Variants in KCNIP4 observed in about 807,000 individuals in gnomAD.
The protein encoded by KCNIP4 is potassium voltage-gated channel interacting protein 4, also known as Kv channel-interacting protein 4.
A neutral mutation model predicts 34.0 loss-of-function variants in KCNIP4; 12 were observed. That is an observed-to-expected ratio of 0.35 (90% CI 0.23 to 0.57). KCNIP4 has a LOEUF of 0.57. Ranked by LOEUF, KCNIP4 falls within the 20% of genes least tolerant of loss-of-function variation. The pLI is 0.83. For missense variants in KCNIP4, 238 were observed against 311.7 expected (o/e 0.76, Z 1.78); for synonymous variants, 124 against 102.2 (o/e 1.21, Z -1.29).
chr4:21,556,347 C>T (rs1322958380), intron 1 of KCNIP4, among the ~76,000 whole-genome samples: 1 of 152,024 alleles, frequency 6.6e-6, no homozygotes, highest in Non-Finnish European at 1.5e-5. Context: ...GAGGACAATC[C>T]ATTCTAGAGG....
At chr4:21,203,547 G>A (rs1254879106) in intron 1 of KCNIP4, among the ~76,000 whole-genome samples, 1 of 152,164 alleles carries the variant, frequency 6.6e-6, no homozygotes, top group African/African-American at 2.4e-5. Context: ...TGACTGGGTA[G>A]ACACACATCT....
chr4:21,170,987 C>A (rs1002425013), intron 1 of KCNIP4, among the ~76,000 whole-genome samples: 1 of 152,070 alleles, frequency 6.6e-6, no homozygotes, highest in African/African-American at 2.4e-5. Flanking sequence ...CCTTAATATG[C>A]CAATTATACA....
Position 21,519,418 on chromosome 4 carries a change from A to ATATACACATATGTGTGTATATGTATGTG in KCNIP4, c.61+429152_61+429153insCACATACATATACACACATATGTGTATA, listed in dbSNP as rs1735103251. Among the ~76,000 whole-genome samples, 2 of 103,142 alleles carry ATATACACATATGTGTGTATATGTATGTG rather than the reference A, an allele frequency of 1.9e-5. 1 individual carries two copies. 67.7% of individuals were successfully genotyped at this position (103,142 alleles called of 152,430 possible). On this transcript the variant is annotated intron_variant, in intron 1 of 8. Transcript: ENST00000382152. ...TACATATGTGTGTATATGTATGTGT[A>ATATACACATATGTGTGTATATGTATGTG]TATATACACATATGTGTGTATATGT...
intron 1 of KCNIP4, among the ~76,000 whole-genome samples, chr4:21,297,474 C>T (rs1198492725): frequency 6.6e-6 from 1 of 152,102 alleles, no homozygotes; most frequent in Non-Finnish European, 1.5e-5. Context: ...AACAAGAGAG[C>T]TACAATTTGA....
At chr4:21,410,411 G>A (rs1724393709) in intron 1 of KCNIP4, among the ~76,000 whole-genome samples, 3 of 152,088 alleles carry the variant, frequency 2.0e-5, no homozygotes, top group Admixed American at 1.3e-4. Context: ...GGTTATCAAC[G>A]GGATGTAGCT....
At chr4:21,569,616 AT>A (rs1251045952) in intron 1 of KCNIP4, among the ~76,000 whole-genome samples, 1 of 152,134 alleles carries the variant, frequency 6.6e-6, no homozygotes, top group Non-Finnish European at 1.5e-5. Context: ...AGGAGGTGGC[AT>A]TTGAGAAGAA....
At chr4:20,730,214 C>CCAT in intron 8 of KCNIP4, 85 bp from the exon 9 acceptor site, 3 of 1,452,678 alleles carry the variant, frequency 2.1e-6, no homozygotes, top group Non-Finnish European at 2.8e-6. Context: ...TTGCCTCCTC[C>CCAT]CATCAACCAC....
intron 1 of KCNIP4, among the ~76,000 whole-genome samples, chr4:21,488,976 T>C (rs1481690801): frequency 6.6e-6 from 1 of 152,106 alleles, no homozygotes; most frequent in Non-Finnish European, 1.5e-5. Flanking sequence ...TTAAGGCTTA[T>C]AAGAAAATAA....
At chr4:21,356,366 G>A (rs1043141516) in intron 1 of KCNIP4, among the ~76,000 whole-genome samples, 4 of 152,112 alleles carry the variant, frequency 2.6e-5, no homozygotes, top group African/African-American at 9.7e-5. Context: ...AGGAAAAGAG[G>A]AAGTCAAATT....
chr4:21,581,111 G>A lies in KCNIP4; in HGVS notation c.61+367460C>T, dbSNP rs192283657. On this transcript the variant is annotated intron_variant, in intron 1 of 8. Coordinates refer to ENST00000382152, the MANE Select transcript of KCNIP4 (RefSeq NM_025221.6). ...AGGAAATAGTATCTATTTCTGAAAGGTTTAGGTGAAACATCATTATATTTC... is the reference window on the plus strand; with the variant it reads ...AGGAAATAGTATCTATTTCTGAAAGATTTAGGTGAAACATCATTATATTTC... Among the ~76,000 whole-genome samples the A allele has an allele frequency of 3.1e-3, 474 of 152,104 alleles. 5 individuals carry two copies. The highest frequency in any genetic ancestry group is 6.9e-3 in the Admixed American group (106 of 15,282).
At position 20,869,544 on chromosome 4, in the gene KCNIP4, G is replaced by A. The variant is rs1344713083; in HGVS notation, c.163+13064C>T. On this transcript the variant is annotated intron_variant, in intron 2 of 8. Coordinates refer to ENST00000382152, the MANE Select transcript of KCNIP4 (RefSeq NM_025221.6). ...TAGGAGCAGAACAGTGCCTGGGAGTGCTAATTCTGACAAATTATTCAGTTC... is the reference window on the plus strand; with the variant it reads ...TAGGAGCAGAACAGTGCCTGGGAGTACTAATTCTGACAAATTATTCAGTTC... Among the ~76,000 whole-genome samples, 4 of 151,988 alleles carry A rather than the reference G, an allele frequency of 2.6e-5. No homozygotes were observed. The South Asian group carries it at 6.2e-4, about 24-fold the overall frequency.
At chr4:20,818,526 G>A (rs780420074) in intron 3 of KCNIP4, among the ~76,000 whole-genome samples, 2 of 152,158 alleles carry the variant, frequency 1.3e-5, no homozygotes, top group Non-Finnish European at 2.9e-5. Context: ...GGACTTTTTG[G>A]AAGCTGCAAA....
intron 1 of KCNIP4, among the ~76,000 whole-genome samples, chr4:21,387,818 T>C (rs1353648470): frequency 1.3e-5 from 2 of 152,172 alleles, no homozygotes; most frequent in Non-Finnish European, 2.9e-5. Flanking sequence ...TATCATAAAA[T>C]ACTTTGTACT....
At chr4:20,769,521 A>G (rs1458785668) in intron 3 of KCNIP4, among the ~76,000 whole-genome samples, 1 of 152,096 alleles carries the variant, frequency 6.6e-6, no homozygotes, top group East Asian at 1.9e-4. Flanking sequence ...CATTTAGTGG[A>G]AAAAAAAGAC....
Position 21,663,171 on chromosome 4 carries a change from T to C in KCNIP4, c.61+285400A>G, listed in dbSNP as rs574789327. Among the ~76,000 whole-genome samples the C allele has an allele frequency of 9.5e-4, 145 of 152,338 alleles. 4 individuals are homozygous for C. The South Asian group carries it at 0.024, about 25-fold the overall frequency. On this transcript the variant is annotated intron_variant, in intron 1 of 8. Transcript: ENST00000382152. ...CCCTTATCGATAATGGTTTCTAACT[T>C]ACTAATATTCTTGATTCTTTTGAGA...
At chr4:20,786,685 G>T (rs1712042636) in intron 3 of KCNIP4, among the ~76,000 whole-genome samples, 1 of 152,076 alleles carries the variant, frequency 6.6e-6, no homozygotes, top group Non-Finnish European at 1.5e-5. Context: ...TGCTCATTTA[G>T]AATGTACACT....
intron 1 of KCNIP4, among the ~76,000 whole-genome samples, chr4:21,641,537 G>C (rs1370206620): frequency 6.6e-6 from 1 of 152,184 alleles, no homozygotes; most frequent in East Asian, 1.9e-4. Flanking sequence ...GGACTTGGAA[G>C]AAATCTGATT....
intron 1 of KCNIP4, among the ~76,000 whole-genome samples, chr4:21,019,013 G>T (rs1739805139): frequency 6.6e-6 from 1 of 152,150 alleles, no homozygotes; most frequent in African/African-American, 2.4e-5. Flanking sequence ...TCTTCTAGCA[G>T]CTAAAAATCT....
Position 21,758,289 on chromosome 4 carries a change from A to G in KCNIP4, c.61+190282T>C, listed in dbSNP as rs74951368. Among the ~76,000 whole-genome samples, 56 of 152,322 alleles carry G rather than the reference A, an allele frequency of 3.7e-4. No individual in the cohort carries two copies. The East Asian group carries it at 9.9e-3, about 27-fold the overall frequency. On this transcript the variant is annotated intron_variant, in intron 1 of 8. Transcript: ENST00000382152. ...GGTAAAGAATAGACAAGGCAATGTC[A>G]ATGCTCTGAAGACAATAAAACAAAA...
Sources: gnomAD v4.1 joint callset for allele counts (sites outside exome capture counted in the v4.1 genomes callset) on GRCh38, gnomAD v4.1.1 for gene constraint, MANE v1.5 for transcripts, NCBI Gene and HGNC (gene_info 2026-07-23, HGNC 2026-07-21) for gene names.